Variants in SLC38A11 observed in about 807,000 individuals in gnomAD.
SLC38A11 encodes the protein putative sodium-coupled neutral amino acid transporter 11.
A neutral mutation model predicts 49.4 loss-of-function variants in SLC38A11; 51 were observed. The observed-to-expected ratio is 1.03, with a 90% confidence interval of 0.83 to 1.30. The LOEUF is 1.30. Among genes scored for constraint, SLC38A11 ranks in the 50% most tolerant of loss-of-function variants. The probability of loss-of-function intolerance (pLI) is 0.00; values close to 1 mark genes in which losing one functional copy is unlikely to be tolerated. For synonymous variants in SLC38A11, 203 were observed against 192.9 expected, an observed-to-expected ratio of 1.05 and a Z score of -0.43; for missense variants, 574 against 556.2, an observed-to-expected ratio of 1.03 and a Z score of -0.32.
chr2:164,939,610 A>T, intron 5 of SLC38A11, 54 bp from the exon 6 acceptor site: 1 of 1,184,596 alleles, frequency 8.4e-7, no homozygotes, highest in Non-Finnish European at 1.2e-6. Flanking sequence ...CACATTGGTG[A>T]CACACTAAAT....
At chr2:164,911,435 T>C (rs531132990) in intron 10 of SLC38A11, among the ~76,000 whole-genome samples, 5 of 152,256 alleles carry the variant, frequency 3.3e-5, no homozygotes, top group East Asian at 1.9e-4. Context: ...AACCGAACTT[T>C]TGAAAAATTG....
intron 11 of SLC38A11, among the ~76,000 whole-genome samples, chr2:164,899,577 G>A (rs1013645852): frequency 1.9e-4 from 29 of 151,882 alleles, no homozygotes; most frequent in Non-Finnish European, 2.5e-4. Flanking sequence ...TTCTAATTAC[G>A]TTAGATTTTA....
intron 2 of SLC38A11, 24 bp from the exon 3 acceptor site, chr2:164,952,805 C>G (rs759924281): frequency 3.8e-5 from 60 of 1,561,188 alleles, no homozygotes; most frequent in Non-Finnish European, 5.0e-5. Context: ...AAATGCCCCA[C>G]CCTTCACATT....
intron 4 of SLC38A11, 25 bp from the exon 5 acceptor site, chr2:164,944,659 TCATCAATAAGC>T: frequency 1.0e-6 from 1 of 962,974 alleles, no homozygotes; most frequent in South Asian, 3.4e-5. Flanking sequence ...AAAATAAGAG[TCATCAATAAGC>T]CATCTCATAT....
chr2:164,930,408 A>C (rs565540775), intron 7 of SLC38A11, among the ~76,000 whole-genome samples: 74 of 152,292 alleles, frequency 4.9e-4, no homozygotes, highest in African/African-American at 1.6e-3. Context: ...CTAAGAGGCC[A>C]ACATCATCCT....
rs1684366305 is a variant in SLC38A11, at chr2:164,895,548, T to C, written c.*2889A>G. 1 of 152,198 alleles carries C rather than the reference T, an allele frequency of 6.6e-6. No homozygotes were observed. Among genetic ancestry groups the C allele is most frequent in the Non-Finnish European group, 1.5e-5 (1 of 68,026 alleles). The allele number at this position is 152,198 out of a possible 1,614,324, so 9.4% of individuals were successfully genotyped here. The stretch of plus-strand genomic sequence containing the variant: ...ATGTATCTTTAATTAAGTAGATGTG[T>C]ATAGTATGACTTCAGCAGAGGACTA... On this transcript the variant is annotated 3_prime_UTR_variant, in exon 12 of 12. Transcript: ENST00000685975.
intron 9 of SLC38A11, among the ~76,000 whole-genome samples, chr2:164,914,227 G>A (rs909164100): frequency 6.6e-6 from 1 of 151,972 alleles, no homozygotes; most frequent in African/African-American, 2.4e-5. Context: ...TTGTCTGAAG[G>A]TCAATGAGAT....
chr2:164,906,243 C>T (rs1279018556), intron 11 of SLC38A11, among the ~76,000 whole-genome samples: 1 of 152,080 alleles, frequency 6.6e-6, no homozygotes, highest in Non-Finnish European at 1.5e-5. Context: ...CAGGAAAAAA[C>T]AGGGCTTGGA....
At chr2:164,940,407 G>A (rs1687685892) in intron 5 of SLC38A11, among the ~76,000 whole-genome samples, 2 of 150,986 alleles carry the variant, frequency 1.3e-5, no homozygotes, top group East Asian at 1.9e-4. Flanking sequence ...CAATGAAGAC[G>A]CTATTGTTTA....
At chr2:164,927,015 T>C (rs541161745) in intron 7 of SLC38A11, among the ~76,000 whole-genome samples, 1 of 151,336 alleles carries the variant, frequency 6.6e-6, no homozygotes, top group South Asian at 2.1e-4. Flanking sequence ...ATTATAATAA[T>C]AATAATTAAA....
chr2:164,906,601 T>C (rs1321505235), intron 11 of SLC38A11, among the ~76,000 whole-genome samples: 3 of 152,202 alleles, frequency 2.0e-5, no homozygotes, highest in African/African-American at 7.2e-5. Context: ...AGCGCATTAA[T>C]GTAGTAGTGA....
At chr2:164,935,180 T>G (rs575690758) in intron 7 of SLC38A11, among the ~76,000 whole-genome samples, 3 of 151,584 alleles carry the variant, frequency 2.0e-5, no homozygotes, top group African/African-American at 7.3e-5. Flanking sequence ...TTTTCTTCTT[T>G]TTTTTTTTTG....
chr2:164,916,120 T>C, intron 7 of SLC38A11, 147 bp from the exon 8 acceptor site: 1 of 534,690 alleles, frequency 1.9e-6, no homozygotes, highest in Non-Finnish European at 3.4e-6. Flanking sequence ...TGTGTAATCA[T>C]GAATAAATTT....
chr2:164,937,276 C>T, intron 7 of SLC38A11, 74 bp downstream of exon 7: 1 of 966,442 alleles, frequency 1.0e-6, no homozygotes, highest in South Asian at 1.4e-5. Context: ...CTTTATATTT[C>T]TGCATTTATG....
At chr2:164,923,385 A>G (rs1686344965) in intron 7 of SLC38A11, among the ~76,000 whole-genome samples, 1 of 152,202 alleles carries the variant, frequency 6.6e-6, no homozygotes, top group African/African-American at 2.4e-5. Flanking sequence ...CAAAAACCAA[A>G]TAACTCCATT....
chr2:164,932,232 T>C (rs1273289654), intron 7 of SLC38A11, among the ~76,000 whole-genome samples: 1 of 152,094 alleles, frequency 6.6e-6, no homozygotes, highest in Non-Finnish European at 1.5e-5. Flanking sequence ...CTAGTCACAA[T>C]GGCTATTATT....
intron 5 of SLC38A11, among the ~76,000 whole-genome samples, chr2:164,940,075 A>G (rs1238364997): frequency 6.7e-6 from 1 of 150,224 alleles, no homozygotes; most frequent in Admixed American, 6.6e-5. Context: ...AGATAAAAAT[A>G]TTTAATATAT....
chr2:164,912,541 A>G (rs9287852), intron 9 of SLC38A11: 95,898 of 151,942 alleles, frequency 0.63, 30,405 homozygotes, highest in Admixed American at 0.68. Context: ...AGGAAGAGTA[A>G]ACCAGTACAT....
intron 11 of SLC38A11, among the ~76,000 whole-genome samples, chr2:164,903,340 CT>C (rs1469468860): frequency 6.6e-6 from 1 of 152,174 alleles, no homozygotes; most frequent in Non-Finnish European, 1.5e-5. Flanking sequence ...ATCAGTCAGC[CT>C]TTTGGTACTC....
Sources: gnomAD v4.1 joint callset for allele counts (sites outside exome capture counted in the v4.1 genomes callset) on GRCh38, gnomAD v4.1.1 for gene constraint, MANE v1.5 for transcripts, NCBI Gene and HGNC (gene_info 2026-07-23, HGNC 2026-07-21) for gene names.